OGA: variants seen among roughly 807,000 people sequenced by gnomAD.
The protein encoded by OGA is O-GlcNAcase.
OGA carries 21 observed loss-of-function variants against 102.0 expected under a neutral mutation model. That is an observed-to-expected ratio of 0.21 (90% CI 0.15 to 0.30). OGA has a LOEUF of 0.30. Ranked by LOEUF, OGA falls within the 10% of genes least tolerant of loss-of-function variation. The pLI, the probability that OGA is intolerant of heterozygous loss-of-function variation, is 1.00. For synonymous variants in OGA, 408 were observed against 378.2 expected (o/e 1.08, Z -0.91); for missense variants, 765 against 1,107.8 (o/e 0.69, Z 4.39).
At chr10:101,787,562 C>T (rs182385094) in intron 14 of OGA, 39 bp from the exon 15 acceptor site, 60 of 1,554,742 alleles carry the variant, frequency 3.9e-5, no homozygotes, top group African/African-American at 2.7e-4. Context: ...ACAATAGTTA[C>T]GCATTAGATA....
chr10:101,787,191 C>T (rs2065201235), intron 15 of OGA, among the ~76,000 whole-genome samples, 173 bp downstream of exon 15: 1 of 152,178 alleles, frequency 6.6e-6, no homozygotes, highest in Admixed American at 6.5e-5. Context: ...CAGCATTTCT[C>T]AATTATTAAT....
At position 101,810,167 on chromosome 10, in the gene OGA, A is replaced by G. The variant is rs200472428; in HGVS notation, c.480+17T>C. On this transcript the variant is annotated intron_variant, in intron 4 of 15. Transcript: ENST00000361464. ...AAGTACATAGTCAGGAAAAATGAAT[A>G]AAAAGTAAGGAGTTACCTGGTCCAA... 6,795 of 1,593,784 alleles carry G rather than the reference A, an allele frequency of 4.3e-3. 21 individuals are homozygous for G. The highest frequency in any genetic ancestry group is 5.2e-3 in the Non-Finnish European group (6,041 of 1,170,858).
At chr10:101,795,264 A>G (rs2065301317) in intron 10 of OGA, among the ~76,000 whole-genome samples, 1 of 152,226 alleles carries the variant, frequency 6.6e-6, no homozygotes, top group Admixed American at 6.5e-5. Flanking sequence ...ATTACAATAA[A>G]AAGCTGCATG....
chr10:101,795,898 C>T (rs1408013161), intron 10 of OGA: 1 of 982,272 alleles, frequency 1.0e-6, no homozygotes, highest in Non-Finnish European at 1.2e-6. Flanking sequence ...GCTGTAAGAG[C>T]TTGAGATTGT....
Position 101,786,429 on chromosome 10 carries a change from C to T in OGA, c.*22G>A, listed in dbSNP as rs754151444. ...AAGGTGCAGTTAAGAGACTTTTGGA[C>T]AGTTCACAGTGTCAACAAATGTCAC... On this transcript the variant is annotated 3_prime_UTR_variant, in exon 16 of 16. Coordinates refer to ENST00000361464, the MANE Select transcript of OGA (RefSeq NM_012215.5). 1.3e-6 allele frequency: 2 copies of T among 1,581,010 alleles called. No individual in the cohort carries two copies. Among genetic ancestry groups the T allele is most frequent in the Non-Finnish European group, 1.7e-6 (2 of 1,166,206 alleles).
At chr10:101,808,767 A>G (rs1357433951) in intron 4 of OGA, among the ~76,000 whole-genome samples, 1 of 152,156 alleles carries the variant, frequency 6.6e-6, no homozygotes, top group Non-Finnish European at 1.5e-5. Flanking sequence ...TAGGAGTTCG[A>G]GACCAGCCTG....
Position 101,817,674 on chromosome 10 carries a change from A to T in OGA, c.199+150T>A, listed in dbSNP as rs2065655426. The T allele has an allele frequency of 2.3e-5, 21 of 899,580 alleles. No homozygotes were observed. The East Asian group carries it at 5.9e-4, about 25-fold the overall frequency. The allele number at this position is 899,580 out of a possible 1,614,324, so 55.7% of individuals were successfully genotyped here. Reference sequence around the variant, plus strand: ...TAAGACGTGCAAGGAGATTCGCCCAACATCTCGTCTCTCCCCTCGCTTTAG... The same window carrying T: ...TAAGACGTGCAAGGAGATTCGCCCATCATCTCGTCTCTCCCCTCGCTTTAG... On this transcript the variant is annotated intron_variant, in intron 1 of 15. Transcript: ENST00000361464.
In OGA at chr10:101,787,653, G is replaced by A. The variant is rs924495282; in HGVS notation, c.2455-130C>T. ...GTCACTATGTAAATTATCTCACACAGGATTATCCTATAATTCTAGCTGAAG... is the reference window on the plus strand; with the variant it reads ...GTCACTATGTAAATTATCTCACACAAGATTATCCTATAATTCTAGCTGAAG... On this transcript the variant is annotated intron_variant, in intron 14 of 15. Transcript: ENST00000361464. 2.7e-5 allele frequency: 19 copies of A among 716,104 alleles called. No homozygotes were observed. The Admixed American group carries it at 2.8e-4, about 10-fold the overall frequency. The allele number at this position is 716,104 out of a possible 1,614,324, so 44.4% of individuals were successfully genotyped here.
At chr10:101,812,179 C>CT (rs1391872932) in intron 3 of OGA, among the ~76,000 whole-genome samples, 1 of 152,186 alleles carries the variant, frequency 6.6e-6, no homozygotes, top group African/African-American at 2.4e-5. Context: ...AAGCACCTCT[C>CT]TAATTTGGCG....
At chr10:101,800,075 GT>G (rs2065369819) in intron 8 of OGA, among the ~76,000 whole-genome samples, 166 bp downstream of exon 8, 1 of 152,118 alleles carries the variant, frequency 6.6e-6, no homozygotes, top group Admixed American at 6.5e-5. Context: ...GTTTCACTAT[GT>G]TGGCCAGGCT....
intron 9 of OGA, among the ~76,000 whole-genome samples, chr10:101,798,377 A>G (rs1297369247): frequency 1.3e-5 from 2 of 151,154 alleles, no homozygotes; most frequent in Non-Finnish European, 3.0e-5. Flanking sequence ...TACCAGATTT[A>G]GTAGAGTCCA....
Position 101,799,133 on chromosome 10 carries a change from T to C in OGA, c.1518A>G (p.Ile506Met). ...LKPMDTDKES[I>M]AESKSPEMSM... ...ACATCTCTGGGGATTTTGATTCAGC[T>C]ATGCTCTCTTTATCAGTGTCCATTG... is the stretch of plus-strand genomic sequence containing the variant. The change falls in exon 9 of 16, where the codon ATA becomes ATG. Residue 506 changes from isoleucine (I) to methionine (M), a missense_variant. Around this residue, in one of 7 missense-constraint regions of OGA, gnomAD observed 281 missense variants for 345.8 expected, o/e 0.81. Coordinates refer to ENST00000361464, the MANE Select transcript of OGA (RefSeq NM_012215.5). The C allele has an allele frequency of 6.2e-7, 1 of 1,614,260 alleles. No individual in the cohort carries two copies. Among genetic ancestry groups the C allele is most frequent in the Non-Finnish European group, 8.5e-7 (1 of 1,180,050 alleles).
At chr10:101,810,078 CAAAG>C (rs1267400222) in intron 4 of OGA, 102 bp downstream of exon 4, 4 of 1,156,974 alleles carry the variant, frequency 3.5e-6, no homozygotes, top group East Asian at 2.5e-5. Context: ...AAAAAGAAAA[CAAAG>C]AAATAGGAAT....
At chr10:101,791,124 A>C in intron 13 of OGA, 36 bp from the exon 14 acceptor site, 1 of 1,560,372 alleles carries the variant, frequency 6.4e-7, no homozygotes, top group Non-Finnish European at 8.6e-7. Context: ...TAAACTTTTC[A>C]GTTGCTAATA....
chr10:101,806,224 C>A, intron 5 of OGA, 81 bp from the exon 6 acceptor site: 1 of 871,760 alleles, frequency 1.1e-6, no homozygotes, highest in Non-Finnish European at 1.8e-6. Context: ...TTCTTTGAGA[C>A]GGAGTCTCAC....
At chr10:101,802,458 G>A (rs1337874288) in intron 7 of OGA, among the ~76,000 whole-genome samples, 1 of 152,038 alleles carries the variant, frequency 6.6e-6, no homozygotes, top group Non-Finnish European at 1.5e-5. Context: ...CGGATCACCT[G>A]AGGTCAGGAG....
At chr10:101,791,514 G>T in intron 12 of OGA, 75 bp from the exon 13 acceptor site, 2 of 1,200,450 alleles carry the variant, frequency 1.7e-6, no homozygotes, top group Non-Finnish European at 2.5e-6. Context: ...TCACAAGTCA[G>T]TCTGGGGAGG....
intron 5 of OGA, among the ~76,000 whole-genome samples, chr10:101,806,570 C>A (rs1337061378): frequency 6.6e-6 from 1 of 152,160 alleles, no homozygotes; most frequent in East Asian, 1.9e-4. Flanking sequence ...GTGGGCAGTT[C>A]ATTTAAGAAA....
At chr10:101,790,277 T>TG (rs1394259742) in intron 14 of OGA, among the ~76,000 whole-genome samples, 8 of 143,868 alleles carry the variant, frequency 5.6e-5, no homozygotes, top group South Asian at 2.3e-4. Context: ...TTTTTTTTTT[T>TG]TTTTTTTTTT....
Sources: allele counts gnomAD v4.1 joint callset (sites outside exome capture counted in the v4.1 genomes callset), GRCh38; gene constraint gnomAD v4.1.1; regional missense constraint gnomAD v4.1.1; transcripts MANE v1.5; gene names NCBI Gene and HGNC (gene_info 2026-07-23, HGNC 2026-07-21).